The following CNTN5 variants were observed in gnomAD, a reference collection of about 807,000 sequenced individuals.
The protein encoded by CNTN5 is contactin-5.
Under a neutral mutation model 129.1 loss-of-function variants are expected in CNTN5, and 77 were observed. That is an observed-to-expected ratio of 0.60 (90% CI 0.50 to 0.72). The LOEUF (loss-of-function observed/expected upper bound fraction) is 0.72, where lower values mean the gene tolerates loss of function less well. CNTN5 is among the 30% of genes least tolerant of loss of function. CNTN5 has a pLI of 0.00. For missense variants in CNTN5, 1,478 were observed against 1,328.8 expected (o/e 1.11, Z -1.75); for synonymous variants, 509 against 465.6 (o/e 1.09, Z -1.20).
intron 16 of CNTN5, among the ~76,000 whole-genome samples, chr11:100,235,885 G>A (rs989702782): frequency 6.6e-6 from 1 of 152,068 alleles, no homozygotes; most frequent in African/African-American, 2.4e-5. Context: ...ATCCATTGCA[G>A]CATTCCTCAC....
chr11:99,876,183 A>T (rs1417970579), intron 6 of CNTN5, among the ~76,000 whole-genome samples: 2 of 152,056 alleles, frequency 1.3e-5, no homozygotes, highest in African/African-American at 4.8e-5. Flanking sequence ...TGCGACCAAC[A>T]TCCGTAAGGA....
chr11:100,246,279 T>C (rs1949838075), intron 16 of CNTN5, among the ~76,000 whole-genome samples: 2 of 152,168 alleles, frequency 1.3e-5, no homozygotes, highest in South Asian at 4.1e-4. Flanking sequence ...AGGTTGACAT[T>C]ATCATTCTCT....
At chr11:100,064,684 G>A (rs938472224) in intron 10 of CNTN5, among the ~76,000 whole-genome samples, 3 of 151,934 alleles carry the variant, frequency 2.0e-5, no homozygotes, top group East Asian at 1.9e-4. Flanking sequence ...AGTTTCTGAC[G>A]ATTGATGAAA....
At chr11:100,252,378 G>A (rs1204173205) in intron 16 of CNTN5, among the ~76,000 whole-genome samples, 1 of 152,004 alleles carries the variant, frequency 6.6e-6, no homozygotes, top group Non-Finnish European at 1.5e-5. Context: ...CTTTCATTCT[G>A]TTGATTATTT....
chr11:99,774,101 G>T (rs1263976227), intron 3 of CNTN5, among the ~76,000 whole-genome samples: 1 of 151,716 alleles, frequency 6.6e-6, no homozygotes, highest in Non-Finnish European at 1.5e-5. Flanking sequence ...CTTCTTCCTT[G>T]ACATTTTTTC....
chr11:99,228,741 T>A (rs920041338), intron 1 of CNTN5, among the ~76,000 whole-genome samples: 3 of 152,090 alleles, frequency 2.0e-5, no homozygotes, highest in African/African-American at 7.2e-5. Context: ...CTATTTAAAT[T>A]GTTTTGTTTT....
intron 7 of CNTN5, among the ~76,000 whole-genome samples, chr11:99,928,563 C>A (rs555795478): frequency 3.9e-5 from 6 of 152,180 alleles, no homozygotes; most frequent in Non-Finnish European, 8.8e-5. Context: ...GGGCTTGCAC[C>A]CTCCGAAGCC....
intron 18 of CNTN5, among the ~76,000 whole-genome samples, chr11:100,289,400 G>T: frequency 6.6e-6 from 1 of 151,152 alleles, no homozygotes; most frequent in Non-Finnish European, 1.5e-5. Context: ...ACATCAAAAA[G>T]CTTATCCACC....
At chr11:99,414,517 T>C (rs1006849682) in intron 2 of CNTN5, among the ~76,000 whole-genome samples, 34 of 152,118 alleles carry the variant, frequency 2.2e-4, no homozygotes, top group African/African-American at 8.2e-4. Context: ...ATTCTTAACT[T>C]TACAAAGAAG....
At chr11:99,622,740 A>C (rs1479403732) in intron 3 of CNTN5, among the ~76,000 whole-genome samples, 1 of 152,088 alleles carries the variant, frequency 6.6e-6, no homozygotes, top group African/African-American at 2.4e-5. Flanking sequence ...TTCAATGAAA[A>C]GGCCCGTTCC....
chr11:100,112,489 A>C (rs1328795179), intron 13 of CNTN5, among the ~76,000 whole-genome samples: 1 of 152,126 alleles, frequency 6.6e-6, no homozygotes, highest in Non-Finnish European at 1.5e-5. Context: ...TGTAACATAT[A>C]TCCCTGTGTT....
chr11:100,140,267 C>T (rs187368386), intron 13 of CNTN5, among the ~76,000 whole-genome samples: 4 of 152,224 alleles, frequency 2.6e-5, no homozygotes, highest in Admixed American at 6.5e-5. Context: ...TTTTCTCCAG[C>T]TGTGTTTAAC....
chr11:99,647,712 T>G (rs1952017134), intron 3 of CNTN5, among the ~76,000 whole-genome samples: 1 of 151,970 alleles, frequency 6.6e-6, no homozygotes, highest in South Asian at 2.1e-4. Flanking sequence ...TTTGATTTCT[T>G]TCATCAGTTT....
intron 3 of CNTN5, among the ~76,000 whole-genome samples, chr11:99,703,227 GTTTT>G (rs34131042): frequency 4.9e-5 from 6 of 121,726 alleles, no homozygotes; most frequent in Admixed American, 1.7e-4. Flanking sequence ...GGTATTTGGG[GTTTT>G]TTTTTTTTTT....
At chr11:100,147,652 G>T (rs917241688) in intron 13 of CNTN5, among the ~76,000 whole-genome samples, 3 of 152,114 alleles carry the variant, frequency 2.0e-5, no homozygotes, top group East Asian at 3.9e-4. Context: ...GTGTGTGTGT[G>T]TGTATCCTTT....
chr11:99,022,919 T>C (rs1047048898), intron 1 of CNTN5, among the ~76,000 whole-genome samples: 15 of 152,238 alleles, frequency 9.9e-5, no homozygotes, highest in African/African-American at 2.9e-4. Flanking sequence ...TTTTAATTTC[T>C]TTCTGATTCC....
At chr11:100,147,276 A>G (rs1946882275) in intron 13 of CNTN5, among the ~76,000 whole-genome samples, 1 of 152,088 alleles carries the variant, frequency 6.6e-6, no homozygotes, top group African/African-American at 2.4e-5. Flanking sequence ...ACGCATTCAT[A>G]GGGGAAAGGA....
In CNTN5 at chr11:100,291,156, G is replaced by C. The variant is rs1159012693; in HGVS notation, c.2315-6469G>C. 2.7e-5 allele frequency among the ~76,000 whole-genome samples: 4 copies of C among 150,174 alleles called. No individual in the cohort carries two copies. The South Asian group carries it at 8.5e-4, about 32-fold the overall frequency. On this transcript the variant is annotated intron_variant, in intron 18 of 24. Coordinates refer to ENST00000524871, the MANE Select transcript of CNTN5 (RefSeq NM_014361.4). ...GAAATAGGAACACTTTTACACTGTT[G>C]GTGGGAATGTAAACTAGTTCAACCA... is the stretch of plus-strand genomic sequence containing the variant.
intron 2 of CNTN5, among the ~76,000 whole-genome samples, chr11:99,460,246 T>A (rs906878695): frequency 1.8e-4 from 28 of 151,486 alleles, no homozygotes; most frequent in African/African-American, 6.8e-4. Flanking sequence ...TAAATAGAAA[T>A]TTTTAAAGAA....
Sources: allele counts gnomAD v4.1 joint callset (sites outside exome capture counted in the v4.1 genomes callset), GRCh38; gene constraint gnomAD v4.1.1; transcripts MANE v1.5; gene names NCBI Gene and HGNC (gene_info 2026-07-23, HGNC 2026-07-21).